The following FAT3 variants were observed in gnomAD, a reference collection of about 807,000 sequenced individuals.
FAT3 encodes protocadherin Fat 3.
A neutral mutation model predicts 310.2 loss-of-function variants in FAT3; 95 were observed. The observed-to-expected ratio is 0.31, with a 90% CI of 0.26 to 0.36. The LOEUF is 0.36. Among genes scored for constraint, FAT3 ranks in the 10% least tolerant of loss-of-function variants. The pLI, the probability that FAT3 is intolerant of heterozygous loss-of-function variation, is 1.00. For missense variants in FAT3, 5,408 were observed against 5,715.6 expected (o/e 0.95, Z 1.74); for synonymous variants, 2,314 against 2,192.9 (o/e 1.06, Z -1.54).
chr11:92,275,184 C>A lies in FAT3; in HGVS notation c.-18+50010C>A, dbSNP rs114734265. On this transcript the variant is annotated intron_variant, in intron 1 of 27. Transcript: ENST00000525166. ...ATCTCTTTGTCACGGGTGCCATAATCCTAGGCCAGACCCTCATCTTCTTGT... is the reference window on the plus strand; with the variant it reads ...ATCTCTTTGTCACGGGTGCCATAATACTAGGCCAGACCCTCATCTTCTTGT... Among the ~76,000 whole-genome samples the A allele has an allele frequency of 2.9e-3, 443 of 152,182 alleles. 3 individuals carry two copies. Among genetic ancestry groups the A allele is most frequent in the African/African-American group, 0.01 (428 of 41,516 alleles).
chr11:92,797,930 A>G lies in FAT3; in HGVS notation c.4917A>G (p.Leu1639=), dbSNP rs1271831422. 11 of 1,613,796 alleles carry G rather than the reference A, an allele frequency of 6.8e-6. No individual in the cohort carries two copies. Among genetic ancestry groups the G allele is most frequent in the Non-Finnish European group, 9.3e-6 (11 of 1,179,852 alleles). Residue 1639 remains leucine, a synonymous_variant, in exon 10 of 28, where the codon CTA becomes CTG. Transcript: ENST00000525166. ...PDMTTMGQFV[L]SIKVTDQGSP... ...TGACGACGATGGGTCAGTTTGTCCT[A>G]TCCATCAAAGTCACAGATCAGGGAT...
At chr11:92,701,819 A>G (rs2135920072) in intron 4 of FAT3, among the ~76,000 whole-genome samples, 1 of 152,342 alleles carries the variant, frequency 6.6e-6, no homozygotes, top group East Asian at 1.9e-4. Context: ...AACAGGAAAT[A>G]AATGCACTAA....
intron 4 of FAT3, among the ~76,000 whole-genome samples, chr11:92,736,074 G>A (rs761794420): frequency 3.9e-5 from 6 of 152,132 alleles, no homozygotes; most frequent in African/African-American, 1.2e-4. Flanking sequence ...CTACTGTTGT[G>A]AAGATGGCTC....
intron 2 of FAT3, among the ~76,000 whole-genome samples, chr11:92,466,352 A>G (rs1222784639): frequency 6.6e-6 from 1 of 152,174 alleles, no homozygotes; most frequent in Non-Finnish European, 1.5e-5. Flanking sequence ...GGAAACGGAA[A>G]ATGGAAAACA....
chr11:92,760,352 T>C (rs538540101), intron 4 of FAT3, among the ~76,000 whole-genome samples: 1 of 152,350 alleles, frequency 6.6e-6, no homozygotes, highest in Admixed American at 6.5e-5. Context: ...TTTTGGCCTT[T>C]GTTTCAGTTA....
Position 92,728,752 on chromosome 11 carries a change from GAGCTTCAAGTAGCTGGC to G in FAT3, c.3669+31311_3669+31327del, listed in dbSNP as rs556586961. Reference sequence around the variant, plus strand: ...GGGAAGAATCCTTCCTTGCTTCTTGGAGCTTCAAGTAGCTGGCAGCATCCCTGACTTGTGGCCACATC... The same window carrying G: ...GGGAAGAATCCTTCCTTGCTTCTTGGAGCATCCCTGACTTGTGGCCACATC... On this transcript the variant is annotated intron_variant, in intron 4 of 27. Coordinates refer to ENST00000525166, the MANE Select transcript of FAT3 (RefSeq NM_001367949.2). 3.4e-3 allele frequency among the ~76,000 whole-genome samples: 510 copies of G among 152,188 alleles called. 4 individuals are homozygous for G. The highest frequency in any genetic ancestry group is 0.012 in the African/African-American group (486 of 41,512).
At chr11:92,584,541 A>C (rs1267315601) in intron 3 of FAT3, among the ~76,000 whole-genome samples, 1 of 151,954 alleles carries the variant, frequency 6.6e-6, no homozygotes, top group Non-Finnish European at 1.5e-5. Flanking sequence ...CAAAGATGAG[A>C]GCATATGTTG....
rs183463641 is a variant in FAT3 at position 92,575,846 on chromosome 11, T to C, written c.3607+50898T>C. On this transcript the variant is annotated intron_variant, in intron 3 of 27. Transcript: ENST00000525166. ...GGAAGGCTTTTCTTCAGGACTGTTT[T>C]CTATTTTTTGAGACTAGGAATAGAA... is the stretch of plus-strand genomic sequence containing the variant. 1.4e-3 allele frequency among the ~76,000 whole-genome samples: 207 copies of C among 152,280 alleles called. 1 individual carries two copies. The highest frequency in any genetic ancestry group is 2.2e-3 in the Non-Finnish European group (147 of 68,028).
chr11:92,398,382 T>G (rs1248765630), intron 2 of FAT3, among the ~76,000 whole-genome samples: 2 of 151,116 alleles, frequency 1.3e-5, no homozygotes, highest in African/African-American at 4.9e-5. Flanking sequence ...ATGCCTGTAA[T>G]CCCAGCTACT....
chr11:92,813,530 G>A lies in FAT3; in HGVS notation c.9481+3454G>A, dbSNP rs116510953. 4.1e-3 allele frequency among the ~76,000 whole-genome samples: 617 copies of A among 152,068 alleles called. 2 individuals are homozygous for A. The highest frequency in any genetic ancestry group is 0.014 in the African/African-American group (585 of 41,468). On this transcript the variant is annotated intron_variant, in intron 13 of 27. Coordinates refer to ENST00000525166, the MANE Select transcript of FAT3 (RefSeq NM_001367949.2). ...TAAGCACCACATTCATACATCACACGCCTCCCACTTGCTGCCCCTTTGGAG... is the reference window on the plus strand; with the variant it reads ...TAAGCACCACATTCATACATCACACACCTCCCACTTGCTGCCCCTTTGGAG...
Position 92,528,674 on chromosome 11 carries a change from C to T in FAT3, c.3607+3726C>T, listed in dbSNP as rs560673361. On this transcript the variant is annotated intron_variant, in intron 3 of 27. Coordinates refer to ENST00000525166, the MANE Select transcript of FAT3 (RefSeq NM_001367949.2). ...GTGCTGGATTACAGGCGTGAGCCAC[C>T]GTGCCCGGCCTCCAGTTCTTTTGAG... is the stretch of plus-strand genomic sequence containing the variant. Among the ~76,000 whole-genome samples, 7 of 152,306 alleles carry T rather than the reference C, an allele frequency of 4.6e-5. No homozygotes were observed. The South Asian group carries it at 6.2e-4, about 14-fold the overall frequency.
chr11:92,344,094 A>G (rs1272599224), intron 1 of FAT3, among the ~76,000 whole-genome samples: 1 of 152,166 alleles, frequency 6.6e-6, no homozygotes, highest in Non-Finnish European at 1.5e-5. Flanking sequence ...TATTTACTGA[A>G]TTCTGACTAT....
At chr11:92,732,961 G>T (rs560005377) in intron 4 of FAT3, among the ~76,000 whole-genome samples, 1 of 152,214 alleles carries the variant, frequency 6.6e-6, no homozygotes, top group African/African-American at 2.4e-5. Flanking sequence ...TGAGTTTGAT[G>T]TTAAAAAACA....
At chr11:92,228,673 G>A (rs939171736) in intron 1 of FAT3, among the ~76,000 whole-genome samples, 7 of 152,164 alleles carry the variant, frequency 4.6e-5, no homozygotes, top group East Asian at 1.9e-4. Context: ...TGGCTGTTGC[G>A]TTGTTATGCT....
intron 19 of FAT3, among the ~76,000 whole-genome samples, chr11:92,850,163 C>T (rs966195567): frequency 2.0e-5 from 3 of 152,172 alleles, no homozygotes; most frequent in Admixed American, 2.0e-4. Flanking sequence ...GAGCCAATCC[C>T]AGTGGCTTTG....
chr11:92,672,446 C>G (rs116372175), intron 3 of FAT3, among the ~76,000 whole-genome samples: 1 of 152,076 alleles, frequency 6.6e-6, no homozygotes, highest in South Asian at 2.1e-4. Context: ...TGCTGAAGAC[C>G]CTTCCCTTTG....
At chr11:92,507,530 T>TAC (rs1164530104) in intron 2 of FAT3, among the ~76,000 whole-genome samples, 4 of 151,878 alleles carry the variant, frequency 2.6e-5, no homozygotes, top group African/African-American at 4.8e-5. Context: ...CATGTATATA[T>TAC]ACACACATAC....
intron 3 of FAT3, among the ~76,000 whole-genome samples, chr11:92,551,436 G>GTGTGTGTA (rs1954817761): frequency 1.3e-5 from 2 of 151,418 alleles, no homozygotes; most frequent in African/African-American, 4.9e-5. Flanking sequence ...GTGTGTGTGT[G>GTGTGTGTA]TGTGTGTGTT....
At chr11:92,395,341 G>A (rs1414954155) in intron 2 of FAT3, among the ~76,000 whole-genome samples, 1 of 152,138 alleles carries the variant, frequency 6.6e-6, no homozygotes, top group Non-Finnish European at 1.5e-5. Context: ...AGTGCAGCTT[G>A]TCTGATTACC....
Sources: allele counts gnomAD v4.1 joint callset (sites outside exome capture counted in the v4.1 genomes callset), GRCh38; gene constraint gnomAD v4.1.1; transcripts MANE v1.5; gene names NCBI Gene and HGNC (gene_info 2026-07-23, HGNC 2026-07-21).